Variants in ARHGAP40 observed in about 807,000 individuals in gnomAD.
The protein encoded by ARHGAP40 is Rho GTPase activating protein 40.
In ARHGAP40, 43 loss-of-function variants were observed where a neutral mutation model predicts 73.5. That is an observed-to-expected ratio of 0.58 (90% CI 0.46 to 0.75). The LOEUF (loss-of-function observed/expected upper bound fraction) is 0.75, where lower values mean the gene tolerates loss of function less well. Among genes scored for constraint, ARHGAP40 ranks in the 30% least tolerant of loss-of-function variants. ARHGAP40 has a pLI of 0.00. For missense variants in ARHGAP40, 734 were observed against 861.8 expected (o/e 0.85, Z 1.86); for synonymous variants, 300 against 352.8 (o/e 0.85, Z 1.68).
chr20:38,626,810 G>A (rs6128574), intron 2 of ARHGAP40, among the ~76,000 whole-genome samples, 185 bp from the exon 3 acceptor site: 38,459 of 151,632 alleles, frequency 0.25, 5,103 homozygotes, highest in Non-Finnish European at 0.3. Flanking sequence ...CCCGCCCCCA[G>A]TTCTCAGAAG....
At chr20:38,627,037 C>T (rs764548911) in exon 3 of ARHGAP40, 44 of 1,305,054 alleles carry the variant, frequency 3.4e-5, no homozygotes, top group South Asian at 1.2e-4. Context: ...ACAGGCCTGT[C>T]GGGCCTCCTT....
chr20:38,628,047 A>G (rs2088913560), intron 3 of ARHGAP40, among the ~76,000 whole-genome samples: 1 of 152,238 alleles, frequency 6.6e-6, no homozygotes, highest in Non-Finnish European at 1.5e-5. Flanking sequence ...GGCCGTGTCC[A>G]GGACAGCAGC....
intron 1 of ARHGAP40, among the ~76,000 whole-genome samples, chr20:38,605,383 T>C (rs920675498): frequency 2.0e-5 from 3 of 152,184 alleles, no homozygotes; most frequent in African/African-American, 7.2e-5. Context: ...AATGCTGACC[T>C]GAAAGGCCTG....
At chr20:38,618,708 C>T (rs1355584613) in intron 1 of ARHGAP40, among the ~76,000 whole-genome samples, 1 of 152,190 alleles carries the variant, frequency 6.6e-6, no homozygotes, top group South Asian at 2.1e-4. Context: ...GGGGCACCTG[C>T]ATGTCACCTG....
chr20:38,649,667 A>C, intron 14 of ARHGAP40, 90 bp from the exon 15 acceptor site: 2 of 733,944 alleles, frequency 2.7e-6, no homozygotes, highest in Non-Finnish European at 4.2e-6. Flanking sequence ...CAGCCAGGGG[A>C]CAGTGCACTG....
chr20:38,627,113 C>T lies in ARHGAP40; in HGVS notation c.456C>T (p.Ala152=), dbSNP rs561694490. ...CCACCCTGACACAGACCCAGGTGGC[C>T]GCTGTGTGCCGCCGGCTGGACATCT... Residue 152 remains alanine, a synonymous_variant, in exon 3 of 15, where the codon GCC becomes GCT. Transcript: ENST00000373345. 9.3e-5 allele frequency: 122 copies of T among 1,305,410 alleles called. No individual in the cohort carries two copies. In the African/African-American group the frequency reaches 1.4e-3, roughly 15 times the overall value. The allele number at this position is 1,305,410 out of a possible 1,614,324, so 80.9% of individuals were successfully genotyped here. A position where few individuals can be genotyped will look rare whatever the true frequency, so the allele number is the denominator to read the frequency against.
At chr20:38,615,110 T>C (rs1407984049) in intron 1 of ARHGAP40, 4 of 959,024 alleles carry the variant, frequency 4.2e-6, no homozygotes, top group East Asian at 4.8e-5. Flanking sequence ...GAGTGTCCCA[T>C]ATATCCTTGA....
intron 5 of ARHGAP40, among the ~76,000 whole-genome samples, chr20:38,632,033 G>A (rs1415247233): frequency 2.6e-5 from 4 of 151,516 alleles, no homozygotes; most frequent in East Asian, 1.9e-4. Context: ...GCAAAACCTC[G>A]GCTCACTACA....
At chr20:38,615,366 T>C (rs1165159015) in intron 1 of ARHGAP40, 1 of 755,444 alleles carries the variant, frequency 1.3e-6, no homozygotes, top group Non-Finnish European at 2.5e-6. Flanking sequence ...AAACCAGGGT[T>C]AAAAGGCCCC....
chr20:38,604,570 A>G (rs2088760011), intron 1 of ARHGAP40, among the ~76,000 whole-genome samples: 1 of 151,652 alleles, frequency 6.6e-6, no homozygotes, highest in South Asian at 2.1e-4. Flanking sequence ...TAATTTTTGT[A>G]TTTTCAGTAG....
chr20:38,632,406 C>A lies in ARHGAP40; in HGVS notation c.784-2214C>A, dbSNP rs1052547194. Among the ~76,000 whole-genome samples the A allele has an allele frequency of 2.8e-5, 4 of 143,836 alleles. No homozygotes were observed. The South Asian group carries it at 8.4e-4, about 30-fold the overall frequency. The allele number at this position is 143,836 out of a possible 152,430, so 94.4% of individuals were successfully genotyped here. Reference sequence around the variant, plus strand: ...GCCCCCGAGTAGCTGGGACTACAGGCGCCCGCCACCATGCCTGGCTAATTT... The same window carrying A: ...GCCCCCGAGTAGCTGGGACTACAGGAGCCCGCCACCATGCCTGGCTAATTT... On this transcript the variant is annotated intron_variant, in intron 5 of 14. Transcript: ENST00000373345.
intron 1 of ARHGAP40, among the ~76,000 whole-genome samples, chr20:38,618,050 A>G (rs2088852661): frequency 6.6e-6 from 1 of 151,888 alleles, no homozygotes; most frequent in Non-Finnish European, 1.5e-5. Flanking sequence ...TAAACAACAA[A>G]TCTAGGATTC....
At chr20:38,615,085 G>C in intron 1 of ARHGAP40, 1 of 915,644 alleles carries the variant, frequency 1.1e-6, no homozygotes, top group Non-Finnish European at 1.8e-6. Context: ...GCAGACACTC[G>C]GAGTTTGGCT....
At chr20:38,638,646 G>A (rs2088993092) in intron 7 of ARHGAP40, 115 bp from the exon 8 acceptor site, 2 of 687,184 alleles carry the variant, frequency 2.9e-6, no homozygotes, top group South Asian at 3.3e-5. Context: ...TATTCCGAAG[G>A]AAACCCTTCT....
chr20:38,613,205 A>C (rs1172494101), intron 1 of ARHGAP40, among the ~76,000 whole-genome samples: 3 of 152,206 alleles, frequency 2.0e-5, no homozygotes, highest in African/African-American at 7.2e-5. Context: ...GCAGTTTGCT[A>C]TCTCAGATGG....
intron 1 of ARHGAP40, among the ~76,000 whole-genome samples, chr20:38,611,294 G>A (rs148848414): frequency 4.6e-5 from 7 of 152,222 alleles, no homozygotes; most frequent in East Asian, 3.9e-4. Context: ...TCATGGCTAC[G>A]AATTCAGTTT....
chr20:38,607,384 C>T (rs918824519), intron 1 of ARHGAP40, among the ~76,000 whole-genome samples: 3 of 152,198 alleles, frequency 2.0e-5, no homozygotes, highest in African/African-American at 7.2e-5. Context: ...AGATCCGCAG[C>T]TCAGGGGACC....
At chr20:38,617,273 G>A (rs187989383) in intron 1 of ARHGAP40, among the ~76,000 whole-genome samples, 331 of 152,276 alleles carry the variant, frequency 2.2e-3, no homozygotes, top group African/African-American at 7.2e-3. Context: ...ACAGGCTCTC[G>A]GCTTCGCTGA....
At chr20:38,608,492 C>T (rs1387766623) in intron 1 of ARHGAP40, among the ~76,000 whole-genome samples, 1 of 152,136 alleles carries the variant, frequency 6.6e-6, no homozygotes, top group African/African-American at 2.4e-5. Flanking sequence ...TTTTGGAGTA[C>T]TTACTATGGG....
Sources: allele counts gnomAD v4.1 joint callset (sites outside exome capture counted in the v4.1 genomes callset), GRCh38; gene constraint gnomAD v4.1.1; transcripts MANE v1.5; gene names NCBI Gene and HGNC (gene_info 2026-07-23, HGNC 2026-07-21).